The following PCDHA4 variants were observed in gnomAD, a reference collection of about 807,000 sequenced individuals.
PCDHA4 encodes the protein protocadherin alpha 4.
In PCDHA4, 49 loss-of-function variants were observed where a neutral mutation model predicts 61.4. The observed-to-expected ratio is 0.80, with a 90% CI of 0.63 to 1.01. PCDHA4 has a LOEUF of 1.01. Among genes scored for constraint, PCDHA4 ranks in the 50% least tolerant of loss-of-function variants. PCDHA4 has a pLI of 0.00. For missense variants in PCDHA4, 1,254 were observed against 1,235.8 expected, an observed-to-expected ratio of 1.01 and a Z score of -0.22; for synonymous variants, 590 against 550.3, an observed-to-expected ratio of 1.07 and a Z score of -1.01.
chr5:140,968,553 G>T (rs782583876), intron 1 of PCDHA4: 1 of 1,614,132 alleles, frequency 6.2e-7, no homozygotes. Context: ...ATGGTGCCTC[G>T]AACTGCCCCT....
At chr5:140,946,903 T>A (rs2094054259) in intron 1 of PCDHA4, among the ~76,000 whole-genome samples, 1 of 151,408 alleles carries the variant, frequency 6.6e-6, no homozygotes, top group African/African-American at 2.4e-5. Flanking sequence ...ATAGGAAGAA[T>A]AAGTTCTGGT....
At chr5:140,820,200 C>T (rs2150106247) in intron 1 of PCDHA4, among the ~76,000 whole-genome samples, 3 of 151,706 alleles carry the variant, frequency 2.0e-5, no homozygotes, top group African/African-American at 4.8e-5. Flanking sequence ...TGTGTTTCAA[C>T]GATCCAAATA....
In PCDHA4 at chr5:140,877,117, G is replaced by A. The variant is rs781979355; in HGVS notation, c.2385+67545G>A. The A allele has an allele frequency of 9.3e-6, 15 of 1,613,720 alleles. No homozygotes were observed. The East Asian group carries it at 1.8e-4, about 19-fold the overall frequency. ...CGGCGTGCCGCCTCTGGGCAGCAAC[G>A]TGACGCTGCAGGTGTTCGTGCTGGA... On this transcript the variant is annotated intron_variant, in intron 1 of 3. Coordinates refer to ENST00000530339, the MANE Select transcript of PCDHA4 (RefSeq NM_018907.4).
At chr5:140,953,135 G>C (rs1331167155) in intron 1 of PCDHA4, among the ~76,000 whole-genome samples, 2 of 152,126 alleles carry the variant, frequency 1.3e-5, no homozygotes, top group Non-Finnish European at 2.9e-5. Flanking sequence ...CCGTATCACT[G>C]TTATATTTCT....
At chr5:140,883,387 T>C in intron 1 of PCDHA4, 1 of 1,614,150 alleles carries the variant, frequency 6.2e-7, no homozygotes, top group Non-Finnish European at 8.5e-7. Flanking sequence ...CCCTAATCAG[T>C]GTGTCCGATC....
At chr5:140,946,249 C>T (rs930979647) in intron 1 of PCDHA4, among the ~76,000 whole-genome samples, 2 of 151,896 alleles carry the variant, frequency 1.3e-5, no homozygotes, top group Admixed American at 6.6e-5. Flanking sequence ...CATCATGAAT[C>T]ATCAGAAAAA....
chr5:140,966,826 GC>G, intron 1 of PCDHA4: 1 of 1,560,690 alleles, frequency 6.4e-7, no homozygotes, highest in Non-Finnish European at 8.6e-7. Flanking sequence ...GGCGGCCCAT[GC>G]CCTGGCTGCT....
chr5:140,909,992 T>A (rs2074821631), intron 1 of PCDHA4, among the ~76,000 whole-genome samples: 1 of 152,192 alleles, frequency 6.6e-6, no homozygotes, highest in Non-Finnish European at 1.5e-5. Context: ...ACTAACAGCA[T>A]AAATTGTTGT....
chr5:140,916,022 A>G (rs982398362), intron 1 of PCDHA4, among the ~76,000 whole-genome samples: 1 of 151,978 alleles, frequency 6.6e-6, no homozygotes, highest in Non-Finnish European at 1.5e-5. Context: ...AGTCTTTCCC[A>G]TTCTTCCCTC....
intron 1 of PCDHA4, chr5:140,884,061 A>G: frequency 1.2e-6 from 2 of 1,613,342 alleles, no homozygotes; most frequent in Non-Finnish European, 1.7e-6. Flanking sequence ...CGCGCGGTGG[A>G]CGCCGATTCG....
chr5:140,841,002 A>G (rs1288568403), intron 1 of PCDHA4, among the ~76,000 whole-genome samples: 1 of 152,084 alleles, frequency 6.6e-6, no homozygotes, highest in African/African-American at 2.4e-5. Flanking sequence ...TAATGTAAGG[A>G]GCCAGACAGT....
intron 1 of PCDHA4, chr5:140,853,930 A>G: frequency 1.1e-6 from 1 of 887,870 alleles, no homozygotes; most frequent in Non-Finnish European, 1.4e-6. Flanking sequence ...ACATTTTGGG[A>G]GGCCAAGGTG....
Position 140,809,016 on chromosome 5 carries a change from A to T in PCDHA4, c.1829A>T (p.Glu610Val), listed in dbSNP as rs1764333762. ...DSGYNAWLSY[E>V]LQPGTGGARI... ...GGCTACAACGCGTGGCTTTCGTACGAGCTGCAGCCGGGGACTGGTGGCGCG... is the reference window on the plus strand; with the variant it reads ...GGCTACAACGCGTGGCTTTCGTACGTGCTGCAGCCGGGGACTGGTGGCGCG... Residue 610 changes from glutamate to valine, a missense_variant, in exon 1 of 4, where the codon GAG becomes GTG. Physicochemically the swap from Glu to Val is moderately radical, Grantham distance 121. Coordinates refer to ENST00000530339, the MANE Select transcript of PCDHA4 (RefSeq NM_018907.4). 8.7e-6 allele frequency: 14 copies of T among 1,613,580 alleles called. No individual in the cohort carries two copies. The highest frequency in any genetic ancestry group is 1.7e-5 in the Admixed American group (1 of 59,984).
chr5:140,938,180 A>G (rs913967767), intron 1 of PCDHA4, among the ~76,000 whole-genome samples: 2 of 152,166 alleles, frequency 1.3e-5, no homozygotes, highest in Non-Finnish European at 2.9e-5. Flanking sequence ...TCCTGGGCTC[A>G]AGCAATCCTC....
intron 1 of PCDHA4, among the ~76,000 whole-genome samples, chr5:140,947,069 T>G (rs2094080715): frequency 6.6e-6 from 1 of 151,696 alleles, no homozygotes; most frequent in Admixed American, 6.6e-5. Context: ...AGTGTATATA[T>G]GTATTGAAAC....
chr5:140,824,286 A>C, intron 1 of PCDHA4: 1 of 1,021,950 alleles, frequency 9.8e-7, no homozygotes, highest in Non-Finnish European at 1.5e-6. Context: ...GCTTTTTATG[A>C]GGCTTTTCTG....
chr5:140,898,542 T>G (rs368410152), intron 1 of PCDHA4, among the ~76,000 whole-genome samples: 2 of 152,286 alleles, frequency 1.3e-5, no homozygotes, highest in East Asian at 3.9e-4. Context: ...CTGTTCCATT[T>G]ATCTATGTCT....
At chr5:140,921,213 G>C (rs759293646) in intron 1 of PCDHA4, among the ~76,000 whole-genome samples, 2 of 151,378 alleles carry the variant, frequency 1.3e-5, no homozygotes, top group African/African-American at 2.4e-5. Flanking sequence ...GATAATTCAC[G>C]TCTTTTTTGC....
At chr5:140,884,732 A>G in intron 1 of PCDHA4, 2 of 1,448,046 alleles carry the variant, frequency 1.4e-6, no homozygotes, top group South Asian at 1.6e-5. Flanking sequence ...TGTTTAAGAC[A>G]TCTTTCCTGC....
Sources: allele counts gnomAD v4.1 joint callset (sites outside exome capture counted in the v4.1 genomes callset), GRCh38; gene constraint gnomAD v4.1.1; transcripts MANE v1.5; gene names NCBI Gene and HGNC (gene_info 2026-07-23, HGNC 2026-07-21).